Variants in ITPKB observed in about 807,000 individuals in gnomAD.
ITPKB encodes inositol-trisphosphate 3-kinase B, also known as IP3 3-kinase B.
A neutral mutation model predicts 69.4 loss-of-function variants in ITPKB; 13 were observed. The ratio of observed to expected loss-of-function variants is 0.19; its 90% CI spans 0.12 to 0.30. The LOEUF (loss-of-function observed/expected upper bound fraction) is 0.30. Among genes scored for constraint, ITPKB ranks in the 10% least tolerant of loss-of-function variants. ITPKB has a pLI of 1.00. For synonymous variants in ITPKB, 584 were observed against 513.7 expected, an observed-to-expected ratio of 1.14 and a Z score of -1.85; for missense variants, 1,240 against 1,250.5, an observed-to-expected ratio of 0.99 and a Z score of 0.13.
chr1:226,654,012 A>C (rs1669241234), intron 2 of ITPKB, among the ~76,000 whole-genome samples: 1 of 152,088 alleles, frequency 6.6e-6, no homozygotes, highest in African/African-American at 2.4e-5. Flanking sequence ...AAGCGCAGGG[A>C]AAGATGGAGC....
chr1:226,712,157 G>T (rs1016157960), intron 2 of ITPKB, among the ~76,000 whole-genome samples: 2 of 152,318 alleles, frequency 1.3e-5, no homozygotes, highest in Middle Eastern at 3.4e-3. Context: ...CTCAGAGCAT[G>T]GGGTAAGGGC....
intron 2 of ITPKB, among the ~76,000 whole-genome samples, chr1:226,725,558 T>C (rs942433582): frequency 3.3e-5 from 5 of 152,206 alleles, no homozygotes; most frequent in African/African-American, 7.2e-5. Context: ...ACTGGAAAAG[T>C]CCATGCCCCC....
chr1:226,674,505 G>A (rs1018161684), intron 2 of ITPKB, among the ~76,000 whole-genome samples: 2 of 151,968 alleles, frequency 1.3e-5, no homozygotes, highest in African/African-American at 4.8e-5. Flanking sequence ...CCTAATTTTT[G>A]TATTTTTAGT....
At chr1:226,703,849 A>G (rs1250641443) in intron 2 of ITPKB, among the ~76,000 whole-genome samples, 1 of 152,224 alleles carries the variant, frequency 6.6e-6, no homozygotes, top group African/African-American at 2.4e-5. Context: ...CAAAATGGGT[A>G]TACTTTTTGT....
chr1:226,691,006 G>A (rs927214574), intron 2 of ITPKB, among the ~76,000 whole-genome samples: 3 of 152,160 alleles, frequency 2.0e-5, no homozygotes, highest in Admixed American at 2.0e-4. Flanking sequence ...CCCAAGTACC[G>A]AAAATAGGCA....
At chr1:226,695,461 G>A (rs1656456219) in intron 2 of ITPKB, among the ~76,000 whole-genome samples, 1 of 152,156 alleles carries the variant, frequency 6.6e-6, no homozygotes, top group Non-Finnish European at 1.5e-5. Flanking sequence ...AAAGGGGGTT[G>A]GTTAACCTTC....
intron 7 of ITPKB, among the ~76,000 whole-genome samples, chr1:226,636,095 G>A (rs886649588): frequency 6.6e-6 from 1 of 152,260 alleles, no homozygotes; most frequent in Non-Finnish European, 1.5e-5. Context: ...GCTTTTCCAA[G>A]AAATAAAAGC....
At chr1:226,640,461 A>T (rs1668935328) in intron 5 of ITPKB, among the ~76,000 whole-genome samples, 2 of 152,164 alleles carry the variant, frequency 1.3e-5, no homozygotes, top group Non-Finnish European at 2.9e-5. Context: ...CCCTGGGTGC[A>T]GGAGGGGCCG....
intron 2 of ITPKB, among the ~76,000 whole-genome samples, chr1:226,681,186 CACAG>C (rs1332878002): frequency 5.9e-5 from 9 of 152,124 alleles, no homozygotes; most frequent in Non-Finnish European, 1.2e-4. Flanking sequence ...CTTCTCAGTC[CACAG>C]ACAGTGTTGC....
At chr1:226,651,955 C>T (rs905688387) in intron 2 of ITPKB, among the ~76,000 whole-genome samples, 7 of 152,188 alleles carry the variant, frequency 4.6e-5, no homozygotes, top group African/African-American at 1.4e-4. Context: ...CCTGAGAGTC[C>T]CCCAGTCCCA....
intron 2 of ITPKB, among the ~76,000 whole-genome samples, chr1:226,722,098 C>T (rs1049412350): frequency 6.6e-6 from 1 of 152,204 alleles, no homozygotes; most frequent in African/African-American, 2.4e-5. Context: ...TAGTCATGAG[C>T]CACCGCACCC....
At chr1:226,723,373 C>A (rs879550143) in intron 2 of ITPKB, among the ~76,000 whole-genome samples, 8 of 152,154 alleles carry the variant, frequency 5.3e-5, no homozygotes, top group Non-Finnish European at 8.8e-5. Context: ...CGTGACGGGC[C>A]TCACTGGGTG....
chr1:226,704,605 A>C (rs1200212764), intron 2 of ITPKB, among the ~76,000 whole-genome samples: 1 of 152,254 alleles, frequency 6.6e-6, no homozygotes, highest in Non-Finnish European at 1.5e-5. Flanking sequence ...AGCACTGGAG[A>C]TAAAAGTGAC....
intron 2 of ITPKB, among the ~76,000 whole-genome samples, chr1:226,658,386 C>T (rs547502875): frequency 1.1e-4 from 17 of 152,304 alleles, no homozygotes; most frequent in African/African-American, 4.1e-4. Flanking sequence ...GGTTAGAAAC[C>T]TGGCTGGGGC....
In ITPKB at chr1:226,649,272, AGTGTGCATGTGTGTGTGCGTGT is replaced by A. The variant is rs1488909166; in HGVS notation, c.1933-523_1933-502del. Among the ~76,000 whole-genome samples the A allele has an allele frequency of 4.7e-3, 696 of 146,866 alleles. 7 individuals are homozygous for A. The highest frequency in any genetic ancestry group is 0.016 in the African/African-American group (654 of 40,194). On this transcript the variant is annotated intron_variant, in intron 2 of 7. Coordinates refer to ENST00000429204, the MANE Select transcript of ITPKB (RefSeq NM_002221.4). Reference sequence around the variant, plus strand: ...TTCAGTGAAAACAGCCAGGACTGGGAGTGTGCATGTGTGTGTGCGTGTGTGTGCATGTGTGTGTGCATATGTG... The same window carrying A: ...TTCAGTGAAAACAGCCAGGACTGGGAGTGTGCATGTGTGTGTGCATATGTG...
At chr1:226,727,358 A>G (rs1657457122) in intron 2 of ITPKB, among the ~76,000 whole-genome samples, 1 of 152,184 alleles carries the variant, frequency 6.6e-6, no homozygotes, top group Admixed American at 6.5e-5. Context: ...TGAAATTGGA[A>G]AAAACACTTG....
chr1:226,706,311 T>C (rs142172044), intron 2 of ITPKB, among the ~76,000 whole-genome samples: 13 of 152,224 alleles, frequency 8.5e-5, no homozygotes, highest in African/African-American at 2.9e-4. Flanking sequence ...GGCTGGACAG[T>C]GGTTTCCTCC....
intron 2 of ITPKB, among the ~76,000 whole-genome samples, chr1:226,708,536 C>T (rs57646605): frequency 0.026 from 3,970 of 152,264 alleles, 175 homozygotes; most frequent in African/African-American, 0.091. Context: ...AAAGATGTCT[C>T]GGCCTTAGAC....
At chr1:226,709,323 G>T (rs1656884789) in intron 2 of ITPKB, among the ~76,000 whole-genome samples, 1 of 152,200 alleles carries the variant, frequency 6.6e-6, no homozygotes. Flanking sequence ...AACAGAGATG[G>T]CCTCCCCTGC....
Sources: gnomAD v4.1 joint callset for allele counts (sites outside exome capture counted in the v4.1 genomes callset) on GRCh38, gnomAD v4.1.1 for gene constraint, MANE v1.5 for transcripts, NCBI Gene and HGNC (gene_info 2026-07-23, HGNC 2026-07-21) for gene names.